Variants in CCDC14 observed in about 807,000 individuals in gnomAD.
CCDC14 encodes coiled-coil domain containing 14, also known as coiled-coil domain-containing protein 14.
In CCDC14, 71 loss-of-function variants were observed where a neutral mutation model predicts 81.4. The observed-to-expected ratio is 0.87, with a 90% CI of 0.72 to 1.06. CCDC14 has a LOEUF of 1.06. Among genes scored for constraint, CCDC14 ranks in the 50% least tolerant of loss-of-function variants. CCDC14 has a pLI of 0.00. For synonymous variants in CCDC14, 332 were observed against 364.8 expected (o/e 0.91, Z 1.03); for missense variants, 1,046 against 1,047.3 (o/e 1.00, Z 0.02).
chr3:123,896,874 A>G (rs548289939), downstream of CCDC14, among the ~76,000 whole-genome samples: 9 of 152,324 alleles, frequency 5.9e-5, 1 homozygote, highest in South Asian at 1.9e-3. Flanking sequence ...CCTATTATAT[A>G]AGAATAAGAT....
At chr3:123,937,990 T>C (rs1243061315) in intron 9 of CCDC14, among the ~76,000 whole-genome samples, 2 of 152,044 alleles carry the variant, frequency 1.3e-5, no homozygotes, top group East Asian at 1.9e-4. Context: ...TTCTAGACTC[T>C]ATTCTGTTTC....
chr3:123,905,315 C>G (rs2034283748), intron 5 of CCDC14, among the ~76,000 whole-genome samples: 1 of 152,170 alleles, frequency 6.6e-6, no homozygotes, highest in South Asian at 2.1e-4. Flanking sequence ...ACATCATTCT[C>G]CCTTCATTTT....
chr3:123,956,840 T>C, intron 1 of CCDC14, 45 bp from the exon 2 acceptor site: 2 of 1,276,350 alleles, frequency 1.6e-6, no homozygotes, highest in Non-Finnish European at 2.2e-6. Flanking sequence ...ATTTTTCTAT[T>C]ATATTTTCAA....
chr3:123,928,189 T>C (rs2035479815), intron 12 of CCDC14, among the ~76,000 whole-genome samples: 1 of 151,870 alleles, frequency 6.6e-6, no homozygotes, highest in African/African-American at 2.4e-5. Context: ...ACATGTGCAA[T>C]GCATTTACTT....
rs1357518298 is a variant in CCDC14 at position 123,931,529 on chromosome 3, G to C, written c.1427-3C>G. 2.7e-6 allele frequency: 4 copies of C among 1,501,526 alleles called. No homozygotes were observed. Among genetic ancestry groups the C allele is most frequent in the Non-Finnish European group, 3.6e-6 (4 of 1,112,480 alleles). 93.0% of individuals were successfully genotyped at this position (1,501,526 alleles called of 1,614,324 possible). On this transcript the variant is annotated splice_region_variant and splice_polypyrimidine_tract_variant and intron_variant, in intron 10 of 12. Transcript: ENST00000409697. ...ATTCAATGACTGAAGAGAAAACACTGTTAAGACAAAATGGATCAAATAGTT... is the reference window on the plus strand; with the variant it reads ...ATTCAATGACTGAAGAGAAAACACTCTTAAGACAAAATGGATCAAATAGTT...
At chr3:123,912,089 T>G (rs372358816), downstream of CCDC14, among the ~76,000 whole-genome samples, 1 of 152,148 alleles carries the variant, frequency 6.6e-6, no homozygotes, top group African/African-American at 2.4e-5. Flanking sequence ...CTAAATTCAT[T>G]GTAAAGGGTT....
chr3:123,922,045 G>A (rs940439169), intron 12 of CCDC14, among the ~76,000 whole-genome samples: 3 of 152,096 alleles, frequency 2.0e-5, no homozygotes, highest in African/African-American at 4.8e-5. Context: ...CGATTCCAAC[G>A]GCATGAAACT....
At chr3:123,908,056 AC>A (rs1392681190) in intron 5 of CCDC14, among the ~76,000 whole-genome samples, 3 of 152,148 alleles carry the variant, frequency 2.0e-5, no homozygotes, top group African/African-American at 7.2e-5. Flanking sequence ...CCTCAGAGTT[AC>A]CATATAAAGA....
chr3:123,921,677 G>A (rs2035052408), intron 12 of CCDC14, among the ~76,000 whole-genome samples: 1 of 151,998 alleles, frequency 6.6e-6, no homozygotes, highest in Admixed American at 6.6e-5. Context: ...GGCCTCCCTG[G>A]GCCACACTGG....
intron 12 of CCDC14, among the ~76,000 whole-genome samples, chr3:123,921,964 G>A (rs550179857): frequency 6.6e-6 from 1 of 152,232 alleles, no homozygotes; most frequent in Non-Finnish European, 1.5e-5. Flanking sequence ...CATTCTTCAG[G>A]ATAGATCATG....
chr3:123,897,604 T>C (rs181717066), exon 6 of CCDC14: 2 of 1,195,058 alleles, frequency 1.7e-6, no homozygotes, highest in African/African-American at 1.6e-5. Flanking sequence ...AGTCCACAGT[T>C]TTAAAAAGTC....
chr3:123,892,038 A>G, the CCDC14 span, among the ~76,000 whole-genome samples: 15,261 of 152,228 alleles, frequency 0.1, 887 homozygotes, highest in Middle Eastern at 0.21. Flanking sequence ...TCCCATTTTT[A>G]AAACCATCAG....
At chr3:123,929,667 CAT>C (rs1404253144) in intron 12 of CCDC14, among the ~76,000 whole-genome samples, 1 of 152,178 alleles carries the variant, frequency 6.6e-6, no homozygotes, top group East Asian at 1.9e-4. Context: ...TTAGTATATT[CAT>C]AGAGTTGAGA....
Position 123,915,675 on chromosome 3 carries a change from C to T in CCDC14, c.1822G>A (p.Val608Met). 1.2e-6 allele frequency: 2 copies of T among 1,613,536 alleles called. No homozygotes were observed. Among genetic ancestry groups the T allele is most frequent in the Non-Finnish European group, 1.7e-6 (2 of 1,179,730 alleles). Residue 608 changes from valine to methionine, a missense_variant, in exon 13 of 13, where the codon GTG becomes ATG. Physicochemically the swap from Val to Met is conservative, Grantham distance 21 (BLOSUM62 1). Transcript: ENST00000409697. Reference sequence around the variant, plus strand: ...CCAGGCTTGCAGCGAGCACTGTCCACACTAAGATCGGAGAGAAGCTTTGCC... The same window carrying T: ...CCAGGCTTGCAGCGAGCACTGTCCATACTAAGATCGGAGAGAAGCTTTGCC... ...SMAKLLSDLS[V>M]DSARCKPGNN...
chr3:123,956,002 T>C lies in CCDC14; in HGVS notation c.230-37A>G, dbSNP rs1340584844. ...ACAAAAATTTGTTACATCAAAATAA[T>C]GACTTGAGATAAGGTGATCAGCAAA... On this transcript the variant is annotated intron_variant, in intron 4 of 12. Coordinates refer to ENST00000409697, the MANE Select transcript of CCDC14 (RefSeq NM_001366335.1). 7.9e-6 allele frequency: 12 copies of C among 1,527,690 alleles called. No individual in the cohort carries two copies. In the Admixed American group the frequency reaches 2.6e-4, roughly 34 times the overall value. The allele number at this position is 1,527,690 out of a possible 1,614,324, so 94.6% of individuals were successfully genotyped here. A position where few individuals can be genotyped will look rare whatever the true frequency, so the allele number is the denominator to read the frequency against.
chr3:123,898,148 T>C (rs2034107559), intron 5 of CCDC14, among the ~76,000 whole-genome samples: 2 of 152,248 alleles, frequency 1.3e-5, no homozygotes, highest in Non-Finnish European at 1.5e-5. Context: ...TCTTATTAAC[T>C]AGCTATGTGA....
chr3:123,906,287 G>A (rs1455121524), intron 5 of CCDC14, among the ~76,000 whole-genome samples: 1 of 151,782 alleles, frequency 6.6e-6, no homozygotes, highest in African/African-American at 2.4e-5. Context: ...CCGAGATCGC[G>A]CCACTGCACT....
chr3:123,896,375 T>C (rs542990124), downstream of CCDC14, among the ~76,000 whole-genome samples: 4 of 152,214 alleles, frequency 2.6e-5, no homozygotes, highest in Non-Finnish European at 4.4e-5. Context: ...ATACCTTTTA[T>C]TTATAAATTA....
rs779971828 is a variant in CCDC14, at chr3:123,947,031, G to A, written c.973C>T (p.Arg325Ter). The A allele has an allele frequency of 7.4e-6, 12 of 1,613,780 alleles. No individual in the cohort carries two copies. Among genetic ancestry groups the A allele is most frequent in the East Asian group, 2.2e-5 (1 of 44,894 alleles). Residue 325 changes from arginine to a stop codon, truncating the protein, a stop_gained, in exon 8 of 13, where the codon CGA (arginine) becomes TGA (stop). Transcript: ENST00000409697. LOFTEE classifies it high-confidence loss of function. ...GCTGGTTGTGACTGAGTAGGGCTTC[G>A]GTGTGTCTGACTGTCCAGATGCGTT... Reference protein sequence around the residue: ...KETHLDSQTHRSPTQSQPAFL... With the variant: ...KETHLDSQTH
Sources: allele counts gnomAD v4.1 joint callset (sites outside exome capture counted in the v4.1 genomes callset), GRCh38; gene constraint gnomAD v4.1.1; transcripts MANE v1.5; gene names NCBI Gene and HGNC (gene_info 2026-07-23, HGNC 2026-07-21).